The following STT3B variants were observed in gnomAD, a reference collection of about 807,000 sequenced individuals.
STT3B encodes the protein STT3 oligosaccharyltransferase complex catalytic subunit B.
A neutral mutation model predicts 96.8 loss-of-function variants in STT3B; 29 were observed. That is an observed-to-expected ratio of 0.30 (90% CI 0.22 to 0.41). The LOEUF is 0.41. Among genes scored for constraint, STT3B ranks in the 10% least tolerant of loss-of-function variants. STT3B has a pLI of 1.00. For synonymous variants in STT3B, 367 were observed against 360.0 expected, an observed-to-expected ratio of 1.02 and a Z score of -0.22; for missense variants, 640 against 1,022.3, an observed-to-expected ratio of 0.63 and a Z score of 5.10.
At chr3:31,595,417 T>TC (rs767665034) in intron 3 of STT3B, among the ~76,000 whole-genome samples, 1 of 152,188 alleles carries the variant, frequency 6.6e-6, no homozygotes, top group African/African-American at 2.4e-5. Flanking sequence ...GGTGTTGTTT[T>TC]CCCCTTTTCG....
At chr3:31,562,833 A>G (rs1697911969) in intron 1 of STT3B, among the ~76,000 whole-genome samples, 1 of 152,168 alleles carries the variant, frequency 6.6e-6, no homozygotes, top group Non-Finnish European at 1.5e-5. Flanking sequence ...TGTGTTCTCA[A>G]AATGGCACCA....
At chr3:31,556,118 T>A (rs1028045970) in intron 1 of STT3B, among the ~76,000 whole-genome samples, 13 of 152,160 alleles carry the variant, frequency 8.5e-5, no homozygotes, top group African/African-American at 1.2e-4. Context: ...AACTTTTTTT[T>A]TTTTTCCGTT....
At chr3:31,577,361 A>C (rs999047657) in intron 2 of STT3B, among the ~76,000 whole-genome samples, 1 of 152,152 alleles carries the variant, frequency 6.6e-6, no homozygotes, top group Non-Finnish European at 1.5e-5. Flanking sequence ...GCTGCATTTC[A>C]TAAGTTCTGA....
At position 31,636,336 on chromosome 3, in the gene STT3B, CTG is replaced by C; in HGVS notation, c.*273_*274del. 3.8e-6 allele frequency: 1 copy of C among 262,052 alleles called. No individual in the cohort carries two copies. Among genetic ancestry groups the C allele is most frequent in the Non-Finnish European group, 7.2e-6 (1 of 139,186 alleles). The allele number at this position is 262,052 out of a possible 1,614,324, so 16.2% of individuals were successfully genotyped here. On this transcript the variant is annotated 3_prime_UTR_variant, in exon 16 of 16. Coordinates refer to ENST00000295770, the MANE Select transcript of STT3B (RefSeq NM_178862.3). ...TATTGGTACATATTATCCTTCAAAT[CTG>C]AGAATTTGGACTAACTGCACCAAAG...
chr3:31,564,823 A>G (rs1458182984), intron 1 of STT3B, among the ~76,000 whole-genome samples: 1 of 152,224 alleles, frequency 6.6e-6, no homozygotes, highest in Non-Finnish European at 1.5e-5. Flanking sequence ...AAGAGAAACA[A>G]TCATACTTTA....
Position 31,542,994 on chromosome 3 carries a change from T to C in STT3B, c.314+9682T>C, listed in dbSNP as rs1575404866. Among the ~76,000 whole-genome samples, 3 of 134,854 alleles carry C rather than the reference T, an allele frequency of 2.2e-5. No individual in the cohort carries two copies. In the East Asian group the frequency reaches 6.6e-4, roughly 30 times the overall value. The allele number at this position is 134,854 out of a possible 152,430, so 88.5% of individuals were successfully genotyped here. On this transcript the variant is annotated intron_variant, in intron 1 of 15. Coordinates refer to ENST00000295770, the MANE Select transcript of STT3B (RefSeq NM_178862.3). Reference sequence around the variant, plus strand: ...GGCAGGAGAATTGTTTGAGCCCGGGTGGCAGAGGTTGCAGTGAGCCGAGAT... The same window carrying C: ...GGCAGGAGAATTGTTTGAGCCCGGGCGGCAGAGGTTGCAGTGAGCCGAGAT...
chr3:31,633,890 GACTT>G (rs540131123), intron 15 of STT3B, among the ~76,000 whole-genome samples: 1 of 152,066 alleles, frequency 6.6e-6, no homozygotes, highest in Non-Finnish European at 1.5e-5. Context: ...TTATTAGACT[GACTT>G]TGAATCTCAT....
At chr3:31,579,324 A>C (rs141334952) in intron 2 of STT3B, among the ~76,000 whole-genome samples, 3 of 151,790 alleles carry the variant, frequency 2.0e-5, no homozygotes, top group African/African-American at 7.2e-5. Flanking sequence ...AAAGGAGGGA[A>C]CATTTTTTTA....
chr3:31,568,249 A>T (rs1390856278), intron 1 of STT3B, among the ~76,000 whole-genome samples: 1 of 152,116 alleles, frequency 6.6e-6, no homozygotes, highest in Non-Finnish European at 1.5e-5. Context: ...CATTTTCTTT[A>T]TTCATTCATC....
intron 13 of STT3B, among the ~76,000 whole-genome samples, chr3:31,626,884 C>A (rs890395296): frequency 1.3e-5 from 2 of 152,076 alleles, no homozygotes; most frequent in Admixed American, 6.6e-5. Context: ...TTATGTTTTG[C>A]CTTCCTTTGC....
At chr3:31,540,728 A>AT (rs1425737932) in intron 1 of STT3B, among the ~76,000 whole-genome samples, 1 of 152,164 alleles carries the variant, frequency 6.6e-6, no homozygotes, top group African/African-American at 2.4e-5. Flanking sequence ...GTAAAATTTT[A>AT]TGTTGTTGCC....
intron 1 of STT3B, among the ~76,000 whole-genome samples, chr3:31,559,462 T>C (rs951455737): frequency 3.9e-5 from 6 of 151,958 alleles, no homozygotes; most frequent in Admixed American, 2.6e-4. Flanking sequence ...CTTCACCCAG[T>C]GGCCATTTGG....
At chr3:31,540,008 T>G (rs888915082) in intron 1 of STT3B, among the ~76,000 whole-genome samples, 7 of 152,276 alleles carry the variant, frequency 4.6e-5, no homozygotes, top group Non-Finnish European at 7.4e-5. Context: ...AGGATAATAC[T>G]TTTTCTAAGG....
chr3:31,583,093 G>C (rs1168835576), intron 3 of STT3B, among the ~76,000 whole-genome samples: 1 of 152,082 alleles, frequency 6.6e-6, no homozygotes, highest in East Asian at 1.9e-4. Context: ...ATCATCTCCT[G>C]TCTGGTTGTT....
chr3:31,615,090 A>T lies in STT3B; in HGVS notation c.878-15A>T, dbSNP rs761971315. On this transcript the variant is annotated splice_polypyrimidine_tract_variant and intron_variant, in intron 5 of 15. Coordinates refer to ENST00000295770, the MANE Select transcript of STT3B (RefSeq NM_178862.3). ...TAGTAGTAAATTATCCTTGTTTCCT[A>T]TTTTGTCTTTATAGCATATAGCACT... is the stretch of plus-strand genomic sequence containing the variant. The T allele has an allele frequency of 2.6e-5, 39 of 1,507,704 alleles. No individual in the cohort carries two copies. Among genetic ancestry groups the T allele is most frequent in the Non-Finnish European group, 3.3e-5 (36 of 1,098,592 alleles). 93.4% of individuals were successfully genotyped at this position (1,507,704 alleles called of 1,614,324 possible). A position where few individuals can be genotyped will look rare whatever the true frequency, so the allele number is the denominator to read the frequency against.
intron 3 of STT3B, among the ~76,000 whole-genome samples, chr3:31,588,258 T>C (rs897432558): frequency 2.0e-5 from 3 of 151,416 alleles, no homozygotes; most frequent in East Asian, 1.9e-4. Flanking sequence ...GTATATGGAC[T>C]TTTTTTTTGT....
Position 31,579,805 on chromosome 3 carries a change from C to A in STT3B, c.424-4C>A. 1 of 1,586,944 alleles carries A rather than the reference C, an allele frequency of 6.3e-7. No individual in the cohort carries two copies. On this transcript the variant is annotated splice_polypyrimidine_tract_variant and splice_region_variant and intron_variant, in intron 2 of 15. Transcript: ENST00000295770. Reference sequence around the variant, plus strand: ...AATTAAATTTTCCATTTTTTTCTTCCTAGGTTTACCCAGGGTTGATGATAA... The same window carrying A: ...AATTAAATTTTCCATTTTTTTCTTCATAGGTTTACCCAGGGTTGATGATAA...
intron 1 of STT3B, among the ~76,000 whole-genome samples, chr3:31,563,767 A>G (rs1297378380): frequency 6.6e-6 from 1 of 152,196 alleles, no homozygotes; most frequent in African/African-American, 2.4e-5. Context: ...TAGAGCCAGA[A>G]CAAGTGCTGA....
intron 1 of STT3B, among the ~76,000 whole-genome samples, chr3:31,565,100 G>T (rs990795437): frequency 2.0e-5 from 3 of 152,058 alleles, no homozygotes; most frequent in African/African-American, 7.2e-5. Context: ...TGAGAAATTG[G>T]TACTTTGCTT....
Sources: allele counts gnomAD v4.1 joint callset (sites outside exome capture counted in the v4.1 genomes callset), GRCh38; gene constraint gnomAD v4.1.1; transcripts MANE v1.5; gene names NCBI Gene and HGNC (gene_info 2026-07-23, HGNC 2026-07-21).